GUCY1A1: variants seen among roughly 807,000 people sequenced by gnomAD.
The protein encoded by GUCY1A1 is guanylate cyclase soluble subunit alpha-1.
GUCY1A1 carries 48 observed loss-of-function variants against 64.5 expected under a neutral mutation model. The observed-to-expected ratio is 0.74, with a 90% CI of 0.59 to 0.95. The LOEUF is 0.95. Among genes scored for constraint, GUCY1A1 ranks in the 40% least tolerant of loss-of-function variants. The probability of loss-of-function intolerance (pLI) is 0.00; values close to 1 mark genes in which losing one functional copy is unlikely to be tolerated. For missense variants in GUCY1A1, 804 were observed against 825.3 expected (o/e 0.97, Z 0.32); for synonymous variants, 308 against 303.4 (o/e 1.02, Z -0.16).
chr4:155,677,919 C>G (rs1268671110), intron 2 of GUCY1A1, among the ~76,000 whole-genome samples: 1 of 151,506 alleles, frequency 6.6e-6, no homozygotes, highest in African/African-American at 2.4e-5. Flanking sequence ...ATATTAAAAT[C>G]TAAAATAATA....
intron 2 of GUCY1A1, among the ~76,000 whole-genome samples, chr4:155,679,271 T>A (rs1185696607): frequency 1.3e-5 from 2 of 152,224 alleles, no homozygotes; most frequent in South Asian, 2.1e-4. Context: ...GTTTTATAGT[T>A]GTAACTTTCG....
intron 4 of GUCY1A1, among the ~76,000 whole-genome samples, chr4:155,707,893 C>G (rs1431501316): frequency 1.3e-5 from 2 of 148,310 alleles, no homozygotes; most frequent in African/African-American, 5.0e-5. Flanking sequence ...GCAGTGGTGG[C>G]TGATCTCGGC....
intron 2 of GUCY1A1, among the ~76,000 whole-genome samples, chr4:155,691,484 T>C (rs974140445): frequency 6.6e-6 from 1 of 152,238 alleles, no homozygotes; most frequent in Non-Finnish European, 1.5e-5. Flanking sequence ...GTTTTCAGTC[T>C]ACCTGAAAAT....
intron 3 of GUCY1A1, among the ~76,000 whole-genome samples, 199 bp downstream of exon 3, chr4:155,697,321 C>G (rs1730548673): frequency 6.6e-6 from 1 of 152,074 alleles, no homozygotes; most frequent in African/African-American, 2.4e-5. Flanking sequence ...TGTTTATGAT[C>G]TTGAATTCTT....
chr4:155,697,622 G>T (rs1283458190), intron 3 of GUCY1A1, among the ~76,000 whole-genome samples: 2 of 152,202 alleles, frequency 1.3e-5, no homozygotes, highest in African/African-American at 4.8e-5. Flanking sequence ...TTTCAGAGTT[G>T]TGAAAATCTC....
chr4:155,710,849 A>C lies in GUCY1A1; in HGVS notation c.684A>C (p.Glu228Asp). 6.2e-7 allele frequency: 1 copy of C among 1,614,096 alleles called. No individual in the cohort carries two copies. Among genetic ancestry groups the C allele is most frequent in the East Asian group, 2.2e-5 (1 of 44,872 alleles). The change falls in exon 6 of 10, where the codon GAA becomes GAC. Residue 228 changes from glutamate to aspartate, a missense_variant. By Grantham distance (45) the Glu-to-Asp change is conservative. Transcript: ENST00000506455. ...IIKAAAHVLY[E>D]TEVEVSLMPP... ...AGGCAGCTGCTCACGTATTATATGA[A>C]ACGGAAGTGGAAGTGTCGTTAATGC...
intron 2 of GUCY1A1, among the ~76,000 whole-genome samples, chr4:155,676,713 G>C (rs1010595529): frequency 4.6e-5 from 7 of 151,488 alleles, no homozygotes; most frequent in African/African-American, 1.5e-4. Context: ...CTGCCTGACT[G>C]CAGCTTTATT....
At chr4:155,723,513 T>G (rs1420678908) in intron 9 of GUCY1A1, among the ~76,000 whole-genome samples, 1 of 152,158 alleles carries the variant, frequency 6.6e-6, no homozygotes, top group Non-Finnish European at 1.5e-5. Context: ...TTGGAAACTC[T>G]TAAGTAACAA....
At chr4:155,681,182 TA>T (rs1238901614) in intron 2 of GUCY1A1, among the ~76,000 whole-genome samples, 1 of 152,082 alleles carries the variant, frequency 6.6e-6, no homozygotes, top group South Asian at 2.1e-4. Flanking sequence ...TCTGATGGGT[TA>T]AAAAAATTAT....
chr4:155,723,067 C>A (rs1404746784), intron 9 of GUCY1A1, among the ~76,000 whole-genome samples: 1 of 152,138 alleles, frequency 6.6e-6, no homozygotes, highest in Non-Finnish European at 1.5e-5. Flanking sequence ...TTTTCTGGGG[C>A]CCTGCCCCCA....
At chr4:155,713,677 G>C in intron 7 of GUCY1A1, 94 bp downstream of exon 7, 1 of 1,373,506 alleles carries the variant, frequency 7.3e-7, no homozygotes, top group Non-Finnish European at 1.0e-6. Context: ...CAACTGAAAG[G>C]CCACCTCTGT....
Position 155,734,889 on chromosome 4 carries a change from A to T in GUCY1A1, c.*4658A>T, listed in dbSNP as rs1012764125. The T allele has an allele frequency of 5.3e-5, 8 of 151,990 alleles. No individual in the cohort carries two copies. Among genetic ancestry groups the T allele is most frequent in the Admixed American group, 3.9e-4 (6 of 15,234 alleles). 9.4% of individuals were successfully genotyped at this position (151,990 alleles called of 1,614,324 possible). A position where few individuals can be genotyped will look rare whatever the true frequency, so the allele number is the denominator to read the frequency against. ...GACCTGGGAAATATTTGTATCCTTT[A>T]GTGAAAAGGGGAAGAATCAATTACT... On this transcript the variant is annotated 3_prime_UTR_variant, in exon 10 of 10. Coordinates refer to ENST00000506455, the MANE Select transcript of GUCY1A1 (RefSeq NM_001130682.3).
rs371035145 is a variant in GUCY1A1, at chr4:155,706,704, G to A, written c.318-1532G>A. Among the ~76,000 whole-genome samples, 6 of 152,212 alleles carry A rather than the reference G, an allele frequency of 3.9e-5. No individual in the cohort carries two copies. In the East Asian group the frequency reaches 1.2e-3, roughly 29 times the overall value. ...GTATAAGGCACACATGTGTTGGCTG[G>A]TGCATGTGCAATGCTTACACCCACT... On this transcript the variant is annotated intron_variant, in intron 4 of 9. Transcript: ENST00000506455.
intron 2 of GUCY1A1, among the ~76,000 whole-genome samples, chr4:155,680,178 C>A (rs1287519957): frequency 1.3e-5 from 2 of 152,060 alleles, no homozygotes; most frequent in African/African-American, 4.8e-5. Flanking sequence ...TGGTATATAT[C>A]TCTCCATATA....
intron 9 of GUCY1A1, among the ~76,000 whole-genome samples, chr4:155,724,206 C>G (rs13139313): frequency 0.33 from 49,840 of 152,006 alleles, 8,830 homozygotes; most frequent in East Asian, 0.52. Context: ...TTCCTCTCAC[C>G]TTCTCAATAA....
rs746957805 is a variant in GUCY1A1, at chr4:155,703,981, TA to T, written c.309del (p.Glu104LysfsTer60). ...ALQRTLAKHKIKESRKSLERE... is the reference protein window; with the variant it reads ...ALQRTLAKHKXKESRKSLERE... The stretch of plus-strand genomic sequence containing the variant: ...CAGAGAACATTGGCAAAGCACAAAA[TA>T]AAAGAAAGCAGGTAAGTCAAACCAC... On this transcript the variant is annotated frameshift_variant, in exon 4 of 10. Transcript: ENST00000506455. LOFTEE classifies it high-confidence loss of function. 4 of 1,604,998 alleles carry T rather than the reference TA, an allele frequency of 2.5e-6. No individual in the cohort carries two copies. In the Admixed American group the frequency reaches 6.8e-5, roughly 27 times the overall value.
In GUCY1A1 at chr4:155,667,418, A is replaced by G. The variant is rs1480885398; in HGVS notation, c.-114A>G. ...CAGCCCCGAGGTGTGCGAAGCCACC[A>G]AGTAAGTGGTCGCTGCATCCCCACG... On this transcript the variant is annotated splice_region_variant and 5_prime_UTR_variant, in exon 2 of 10. Transcript: ENST00000506455. 1 of 152,058 alleles carries G rather than the reference A, an allele frequency of 6.6e-6. No individual in the cohort carries two copies. The allele number at this position is 152,058 out of a possible 1,614,324, so 9.4% of individuals were successfully genotyped here. A position where few individuals can be genotyped will look rare whatever the true frequency, so the allele number is the denominator to read the frequency against.
At chr4:155,690,670 G>C (rs993800422) in intron 2 of GUCY1A1, among the ~76,000 whole-genome samples, 18 of 152,060 alleles carry the variant, frequency 1.2e-4, no homozygotes, top group African/African-American at 4.3e-4. Flanking sequence ...GTTCTTTCTG[G>C]AACTCTCTTG....
At chr4:155,716,746 C>A (rs1733285034) in intron 7 of GUCY1A1, among the ~76,000 whole-genome samples, 1 of 151,924 alleles carries the variant, frequency 6.6e-6, no homozygotes, top group Admixed American at 6.6e-5. Flanking sequence ...TGACTTGAGG[C>A]AAAATACTAT....
Sources: allele counts gnomAD v4.1 joint callset (sites outside exome capture counted in the v4.1 genomes callset), GRCh38; gene constraint gnomAD v4.1.1; transcripts MANE v1.5; gene names NCBI Gene and HGNC (gene_info 2026-07-23, HGNC 2026-07-21).